Variants in INTS1 observed in about 807,000 individuals in gnomAD.
The protein encoded by INTS1 is integrator complex subunit 1.
INTS1 carries 137 observed loss-of-function variants against 241.6 expected under a neutral mutation model. The ratio of observed to expected loss-of-function variants is 0.57; its 90% CI spans 0.49 to 0.65. The LOEUF is 0.65. Among genes scored for constraint, INTS1 ranks in the 30% least tolerant of loss-of-function variants. The pLI is 0.00. For missense variants in INTS1, 3,073 were observed against 3,032.2 expected (o/e 1.01, Z -0.32); for synonymous variants, 1,692 against 1,337.8 (o/e 1.26, Z -5.78).
At chr7:1,471,440 C>T in intron 45 of INTS1, 131 bp downstream of exon 45, 2 of 1,112,910 alleles carry the variant, frequency 1.8e-6, no homozygotes, top group Non-Finnish European at 1.3e-6. Context: ...GGCTGGGGCC[C>T]CCACCCGAAG....
chr7:1,487,509 CCT>C lies in INTS1; in HGVS notation c.2517-62_2517-61del, dbSNP rs148188504. 2.0e-3 allele frequency: 3,106 copies of C among 1,556,036 alleles called. 63 individuals are homozygous for C. The African/African-American group carries it at 0.038, about 19-fold the overall frequency. On this transcript the variant is annotated intron_variant, in intron 19 of 47. Coordinates refer to ENST00000404767, the MANE Select transcript of INTS1 (RefSeq NM_001080453.3). ...CCCTGAGCGGATCACCCCCAGAACCCCTCCTCCTCCCATCCCTGCTTCGAGGG... is the reference window on the plus strand; with the variant it reads ...CCCTGAGCGGATCACCCCCAGAACCCCCTCCTCCCATCCCTGCTTCGAGGG...
chr7:1,480,542 C>T (rs1781944987), intron 29 of INTS1, 101 bp from the exon 30 acceptor site: 1 of 1,350,640 alleles, frequency 7.4e-7, no homozygotes, highest in Non-Finnish European at 1.0e-6. Context: ...GGGACTGTCA[C>T]CCAGGAGGAA....
At chr7:1,476,742 T>TG (rs1419101660) in intron 36 of INTS1, 52 bp downstream of exon 36, 9 of 1,612,098 alleles carry the variant, frequency 5.6e-6, no homozygotes, top group Non-Finnish European at 7.6e-6. Context: ...GGGAGATTTC[T>TG]GGTGAAGGCC....
intron 16 of INTS1, among the ~76,000 whole-genome samples, chr7:1,492,462 G>T (rs1000831063): frequency 2.0e-5 from 3 of 152,172 alleles, no homozygotes; most frequent in Admixed American, 6.5e-5. Flanking sequence ...GACAGCTGGT[G>T]GGAATGGGGT....
chr7:1,497,555 G>A lies in INTS1; in HGVS notation c.1426-241C>T, dbSNP rs1437516715. ...GGAGTCGGTCCTCGTGAAATGAGGA[G>A]GATTAATTAACGGAAGCTGGGGGTG... On this transcript the variant is annotated intron_variant, in intron 10 of 47. Coordinates refer to ENST00000404767, the MANE Select transcript of INTS1 (RefSeq NM_001080453.3). The surrounding 1 kb of genome is among the most constrained non-coding windows in gnomAD (Gnocchi z 5.3). 6.6e-6 allele frequency among the ~76,000 whole-genome samples: 1 copy of A among 152,158 alleles called. No individual in the cohort carries two copies. The highest frequency in any genetic ancestry group is 1.5e-5 in the Non-Finnish European group (1 of 68,034).
At chr7:1,480,967 G>T (rs1238424248) in intron 28 of INTS1, 34 bp from the exon 29 acceptor site, 2 of 1,475,806 alleles carry the variant, frequency 1.4e-6, no homozygotes, top group Non-Finnish European at 1.9e-6. Flanking sequence ...CCTGGGCGCG[G>T]CCAGGGGCCA....
chr7:1,503,652 G>C (rs556924187), intron 2 of INTS1, among the ~76,000 whole-genome samples: 72 of 152,300 alleles, frequency 4.7e-4, no homozygotes, highest in African/African-American at 1.7e-3. Context: ...TTCCGCTACT[G>C]TCGGCCGCCT....
Position 1,474,234 on chromosome 7 carries a change from GTGCGGC to G in INTS1, c.5757_5762del (p.Gln1919_Pro1920del). The G allele has an allele frequency of 1.2e-6, 2 of 1,602,174 alleles. No homozygotes were observed. Among genetic ancestry groups the G allele is most frequent in the Non-Finnish European group, 1.7e-6 (2 of 1,175,958 alleles). ...CCCCCTGGTGCTCGCTGCGGAACAC[GTGCGGC>G]TGCAGCAGCTCCAGCAGGCCCAGCA... On this transcript the variant is annotated inframe_deletion, in exon 41 of 48. Transcript: ENST00000404767.
chr7:1,481,737 C>T lies in INTS1; in HGVS notation c.3704-249G>A, dbSNP rs890928204. Among the ~76,000 whole-genome samples, 19 of 148,474 alleles carry T rather than the reference C, an allele frequency of 1.3e-4. No homozygotes were observed. Among genetic ancestry groups the T allele is most frequent in the African/African-American group, 3.7e-4 (15 of 40,204 alleles). On this transcript the variant is annotated intron_variant, in intron 27 of 47. Coordinates refer to ENST00000404767, the MANE Select transcript of INTS1 (RefSeq NM_001080453.3). The surrounding 1 kb of genome is among the most constrained non-coding windows in gnomAD (Gnocchi z 6.8). ...GCAGTGCACACTCGGCAGCCCCACC[C>T]GAGACCTGGGGCAGTGCACACTCGG...
Position 1,471,230 on chromosome 7 carries a change from CG to C in INTS1, c.6256-7del. The stretch of plus-strand genomic sequence containing the variant: ...ATCAGCCGCTGCAGGTTGGTCTGAC[CG>C]GGGGAAAGGTGGGAGGTGTGTGACC... On this transcript the variant is annotated splice_region_variant and splice_polypyrimidine_tract_variant and intron_variant, in intron 45 of 47. Transcript: ENST00000404767. The C allele has an allele frequency of 1.3e-6, 2 of 1,571,710 alleles. No individual in the cohort carries two copies. Among genetic ancestry groups the C allele is most frequent in the Non-Finnish European group, 1.7e-6 (2 of 1,159,890 alleles).
chr7:1,484,303 G>T, intron 24 of INTS1, 133 bp from the exon 25 acceptor site: 2 of 922,710 alleles, frequency 2.2e-6, no homozygotes, highest in Non-Finnish European at 3.2e-6. Context: ...CCCTCACTCA[G>T]CCGCAGGCCG....
At chr7:1,486,315 G>A (rs1028074606) in intron 22 of INTS1, among the ~76,000 whole-genome samples, 1 of 151,148 alleles carries the variant, frequency 6.6e-6, no homozygotes, top group Non-Finnish European at 1.5e-5. Context: ...CCAGGCTGGA[G>A]TACAGTGGCA....
chr7:1,493,010 C>T lies in INTS1; in HGVS notation c.2165G>A (p.Gly722Glu). The change falls in exon 16 of 48, where the codon GGG (glycine) becomes GAG (glutamate). Residue 722 changes from glycine to glutamate, a missense_variant and splice_region_variant. Transcript: ENST00000404767. The surrounding 1 kb of genome is among the most constrained non-coding windows in gnomAD (Gnocchi z 5.3). ...AGTGGGGAGCGGGGCGTGGGCTTAC[C>T]CCGGTGGGAGCTGGATGTTTTCAGG... ...HHPENIQLPPGYQPPNLAIST... is the reference protein window; with the variant it reads ...HHPENIQLPPEYQPPNLAIST... The T allele has an allele frequency of 1.2e-6, 2 of 1,611,648 alleles. No homozygotes were observed. Among genetic ancestry groups the T allele is most frequent in the Non-Finnish European group, 1.7e-6 (2 of 1,178,550 alleles).
chr7:1,483,677 G>A (rs1782105016), intron 26 of INTS1, 65 bp downstream of exon 26: 1 of 1,249,768 alleles, frequency 8.0e-7, no homozygotes, highest in African/African-American at 1.5e-5. Context: ...GAAGCCGCTG[G>A]GTGTGGTCAG....
In INTS1 at chr7:1,481,590, A is replaced by C; in HGVS notation, c.3704-102T>G. 8.2e-7 allele frequency: 1 copy of C among 1,224,506 alleles called. No individual in the cohort carries two copies. The highest frequency in any genetic ancestry group is 1.1e-6 in the Non-Finnish European group (1 of 924,846). The allele number at this position is 1,224,506 out of a possible 1,614,324, so 75.9% of individuals were successfully genotyped here. On this transcript the variant is annotated intron_variant, in intron 27 of 47. Transcript: ENST00000404767. The surrounding 1 kb of genome is among the most constrained non-coding windows in gnomAD (Gnocchi z 6.8). ...CTGCCTGTGTGCAGTGACCCCACCC[A>C]CCTGAGACCCTGGGCCACGTGGGCT...
rs1353135702 is a variant in INTS1 at position 1,480,917 on chromosome 7, C to T, written c.3867G>A (p.Leu1289=). The T allele has an allele frequency of 7.6e-6, 12 of 1,571,952 alleles. No homozygotes were observed. The highest frequency in any genetic ancestry group is 1.0e-5 in the Non-Finnish European group (12 of 1,159,908). The part of the protein sequence containing the change: ...NIMDKNYMAH[L]VEVQHERGAS... ...CGCCGCGCTCATGCTGGACCTCCACCAGGTGGGCCATGTAATCTGCAAACC... is the reference window on the plus strand; with the variant it reads ...CGCCGCGCTCATGCTGGACCTCCACTAGGTGGGCCATGTAATCTGCAAACC... Residue 1289 remains leucine (L), a synonymous_variant, in exon 29 of 48, where the codon CTG becomes CTA. Coordinates refer to ENST00000404767, the MANE Select transcript of INTS1 (RefSeq NM_001080453.3).
chr7:1,495,402 G>A, intron 13 of INTS1, 31 bp downstream of exon 13: 1 of 1,593,892 alleles, frequency 6.3e-7, no homozygotes, highest in Non-Finnish European at 8.5e-7. Flanking sequence ...GTGGGGTGTG[G>A]GACAGGGGCT....
intron 5 of INTS1, 72 bp from the exon 6 acceptor site, chr7:1,499,704 G>C (rs1723353310): frequency 1.3e-6 from 2 of 1,515,536 alleles, no homozygotes; most frequent in Non-Finnish European, 1.8e-6. Context: ...CCCGCCTGCT[G>C]CCCGGGGACT....
chr7:1,489,623 A>T lies in INTS1; in HGVS notation c.2225T>A (p.Leu742Gln), dbSNP rs1215783588. The T allele has an allele frequency of 6.3e-7, 1 of 1,591,692 alleles. No homozygotes were observed. Among genetic ancestry groups the T allele is most frequent in the Non-Finnish European group, 8.6e-7 (1 of 1,168,002 alleles). Residue 742 changes from leucine (L) to glutamine (Q), a missense_variant, in exon 17 of 48, where the codon CTG (leucine) becomes CAG (glutamine). Coordinates refer to ENST00000404767, the MANE Select transcript of INTS1 (RefSeq NM_001080453.3). ...CTCTGGGTTGAATGCGGCGACGACC[A>T]GCAGGAGGGGCCAGGCCTTCCAGTA... Reference protein sequence around the residue: ...TLYWKAWPLLLVVAAFNPENI... With the variant: ...TLYWKAWPLLQVVAAFNPENI...
Sources: allele counts gnomAD v4.1 joint callset (sites outside exome capture counted in the v4.1 genomes callset), GRCh38; gene constraint gnomAD v4.1.1; non-coding constraint Gnocchi (gnomAD v3.1); transcripts MANE v1.5; gene names NCBI Gene and HGNC (gene_info 2026-07-23, HGNC 2026-07-21).